PREX1: variants seen among roughly 807,000 people sequenced by gnomAD.
PREX1 encodes the protein phosphatidylinositol-3,4,5-trisphosphate dependent Rac exchange factor 1.
PREX1 carries 41 observed loss-of-function variants against 198.3 expected under a neutral mutation model. That is an observed-to-expected ratio of 0.21 (90% CI 0.16 to 0.27). The LOEUF is 0.27. Ranked by LOEUF, PREX1 falls within the 10% of genes least tolerant of loss-of-function variation. The probability of loss-of-function intolerance (pLI) is 1.00; values close to 1 mark genes in which losing one functional copy is unlikely to be tolerated. For synonymous variants in PREX1, 843 were observed against 887.2 expected, an observed-to-expected ratio of 0.95 and a Z score of 0.89; for missense variants, 1,620 against 2,200.7, an observed-to-expected ratio of 0.74 and a Z score of 5.28.
At chr20:48,748,899 G>C (rs1275722700) in intron 1 of PREX1, among the ~76,000 whole-genome samples, 1 of 152,180 alleles carries the variant, frequency 6.6e-6, no homozygotes, top group Non-Finnish European at 1.5e-5. Flanking sequence ...TGAAGTGTTG[G>C]TGAAAAAGCC....
intron 20 of PREX1, 124 bp downstream of exon 20, chr20:48,653,237 G>A (rs1255151142): frequency 1.4e-6 from 2 of 1,420,482 alleles, no homozygotes; most frequent in African/African-American, 1.4e-5. Flanking sequence ...TGTTGGGTCA[G>A]CAGCTCCACC....
chr20:48,862,840 G>GTTT, the PREX1 span, among the ~76,000 whole-genome samples: 1 of 121,126 alleles, frequency 8.3e-6, no homozygotes, highest in African/African-American at 3.4e-5. Flanking sequence ...TTTTTTTTTG[G>GTTT]AGACAGGGCC....
chr20:48,772,471 G>A (rs1462987677), intron 1 of PREX1, among the ~76,000 whole-genome samples: 2 of 152,202 alleles, frequency 1.3e-5, no homozygotes, highest in African/African-American at 4.8e-5. Flanking sequence ...AGCCCAAGCA[G>A]TGCCATAGGA....
chr20:48,743,834 T>C (rs1238068224), intron 3 of PREX1, among the ~76,000 whole-genome samples: 1 of 152,106 alleles, frequency 6.6e-6, no homozygotes, highest in Non-Finnish European at 1.5e-5. Context: ...ACGTAGAGAG[T>C]GGCTGGCCCT....
chr20:48,655,297 C>T lies in PREX1; in HGVS notation c.2202G>A (p.Val734=), dbSNP rs1470011021. The T allele has an allele frequency of 1.9e-6, 3 of 1,581,824 alleles. No individual in the cohort carries two copies. The South Asian group carries it at 3.4e-5, about 18-fold the overall frequency. ...RGAAPPYVYA[V]GRGSEAMAAG... is the part of the protein sequence containing the mutation. ...CCCAAGGCTCCCACTCACCTCTCCCCACAGCATAGACGTACGGTGGGGCAG... is the reference window on the plus strand; with the variant it reads ...CCCAAGGCTCCCACTCACCTCTCCCTACAGCATAGACGTACGGTGGGGCAG... Residue 734 remains valine (V), a synonymous_variant, in exon 19 of 40, where the codon GTG becomes GTA. Coordinates refer to ENST00000371941, the MANE Select transcript of PREX1 (RefSeq NM_020820.4).
chr20:48,639,270 G>T (rs916381405), intron 30 of PREX1, among the ~76,000 whole-genome samples: 6 of 152,218 alleles, frequency 3.9e-5, no homozygotes, highest in Non-Finnish European at 8.8e-5. Context: ...TCTTCGTGTT[G>T]TTCAAGAGCA....
At chr20:48,746,063 G>A (rs1332940665) in intron 2 of PREX1, among the ~76,000 whole-genome samples, 1 of 152,164 alleles carries the variant, frequency 6.6e-6, no homozygotes, top group Non-Finnish European at 1.5e-5. Context: ...GCCCAGGCTG[G>A]AGTGTGAAGT....
At chr20:48,635,592 T>C (rs2089356037) in intron 32 of PREX1, among the ~76,000 whole-genome samples, 1 of 152,198 alleles carries the variant, frequency 6.6e-6, no homozygotes, top group African/African-American at 2.4e-5. Context: ...CCTCACACTG[T>C]CTGCCTGGCT....
intron 37 of PREX1, among the ~76,000 whole-genome samples, 173 bp from the exon 38 acceptor site, chr20:48,628,136 G>A (rs773542432): frequency 2.6e-5 from 4 of 152,014 alleles, no homozygotes; most frequent in Admixed American, 6.5e-5. Flanking sequence ...GTCCCTCCCC[G>A]CTTGCTCCTC....
rs761016131 is a variant in PREX1 at position 48,700,747 on chromosome 20, A to C, written c.917+6T>G. 4.3e-5 allele frequency: 69 copies of C among 1,612,596 alleles called. No individual in the cohort carries two copies. The highest frequency in any genetic ancestry group is 5.8e-5 in the Non-Finnish European group (69 of 1,179,960). ...CAGACCCCATCCCAGCCTCCTGGCC[A>C]CTCACCTGGATTTCCGCTTGCAGTA... On this transcript the variant is annotated splice_donor_region_variant and intron_variant, in intron 7 of 39. Coordinates refer to ENST00000371941, the MANE Select transcript of PREX1 (RefSeq NM_020820.4).
chr20:48,801,075 AATCCTTC>A (rs1484028233), intron 1 of PREX1, among the ~76,000 whole-genome samples: 44 of 152,288 alleles, frequency 2.9e-4, no homozygotes, highest in African/African-American at 1.1e-3. Flanking sequence ...GGATAATAAG[AATCCTTC>A]CCTCACAGGC....
At chr20:48,801,828 T>A (rs1317214761) in intron 1 of PREX1, among the ~76,000 whole-genome samples, 1 of 152,220 alleles carries the variant, frequency 6.6e-6, no homozygotes, top group African/African-American at 2.4e-5. Context: ...ATGAGTGGGC[T>A]GGTGCCATCC....
chr20:48,634,459 C>T (rs1030328376), intron 33 of PREX1, among the ~76,000 whole-genome samples: 26 of 152,272 alleles, frequency 1.7e-4, no homozygotes, highest in African/African-American at 5.8e-4. Context: ...TGGAAATAGC[C>T]GGGTTCATAC....
At chr20:48,715,652 T>A (rs140680640) in intron 5 of PREX1, among the ~76,000 whole-genome samples, 1 of 152,224 alleles carries the variant, frequency 6.6e-6, no homozygotes, top group East Asian at 1.9e-4. Flanking sequence ...AAAGTCTTGG[T>A]ACCCAATAAG....
At chr20:48,804,836 C>T (rs1213952187) in intron 1 of PREX1, among the ~76,000 whole-genome samples, 1 of 151,996 alleles carries the variant, frequency 6.6e-6, no homozygotes, top group Non-Finnish European at 1.5e-5. Context: ...GGAAGAGTGG[C>T]GTCAAGATGG....
At chr20:48,860,486 CT>C in the PREX1 span, among the ~76,000 whole-genome samples, 1 of 152,182 alleles carries the variant, frequency 6.6e-6, no homozygotes, top group African/African-American at 2.4e-5. Flanking sequence ...CTTAACGCGT[CT>C]GAACTGTACA....
the PREX1 span, among the ~76,000 whole-genome samples, chr20:48,876,424 C>G: frequency 1.3e-5 from 2 of 152,194 alleles, no homozygotes; most frequent in African/African-American, 4.8e-5. Context: ...ATCAAACAAA[C>G]TGCTCCTTGG....
the PREX1 span, among the ~76,000 whole-genome samples, chr20:48,882,001 T>A: frequency 8.3e-5 from 12 of 145,034 alleles, no homozygotes; most frequent in Non-Finnish European, 4.5e-5. Flanking sequence ...ATACAGATCA[T>A]CATACAATAT....
chr20:48,809,044 G>A (rs1253475183), intron 1 of PREX1, among the ~76,000 whole-genome samples: 3 of 152,180 alleles, frequency 2.0e-5, no homozygotes, highest in East Asian at 3.9e-4. Flanking sequence ...ACAATAAACA[G>A]GCAACGCAGG....
Sources: allele counts gnomAD v4.1 joint callset (sites outside exome capture counted in the v4.1 genomes callset), GRCh38; gene constraint gnomAD v4.1.1; transcripts MANE v1.5; gene names NCBI Gene and HGNC (gene_info 2026-07-23, HGNC 2026-07-21).